The following TRPA1 variants were observed in gnomAD, a reference collection of about 807,000 sequenced individuals.
TRPA1 encodes the protein transient receptor potential cation channel subfamily A member 1.
A neutral mutation model predicts 131.3 loss-of-function variants in TRPA1; 129 were observed. The ratio of observed to expected loss-of-function variants is 0.98; its 90% CI spans 0.85 to 1.14. TRPA1 has a LOEUF of 1.14. TRPA1 is among the 50% of genes most tolerant of loss of function. The pLI is 0.00. For missense variants in TRPA1, 1,304 were observed against 1,354.2 expected (o/e 0.96, Z 0.58); for synonymous variants, 441 against 451.7 (o/e 0.98, Z 0.30).
At chr8:72,063,163 C>T (rs1282287189) in intron 5 of TRPA1, among the ~76,000 whole-genome samples, 1 of 151,858 alleles carries the variant, frequency 6.6e-6, no homozygotes, top group Non-Finnish European at 1.5e-5. Context: ...GGGAGGATCA[C>T]GAGGTCAGGA....
At position 72,057,006 on chromosome 8, in the gene TRPA1, C is replaced by A. The variant is rs769979174; in HGVS notation, c.1105G>T (p.Asp369Tyr). 52 of 1,604,304 alleles carry A rather than the reference C, an allele frequency of 3.2e-5. No homozygotes were observed. The highest frequency in any genetic ancestry group is 7.7e-6 in the Non-Finnish European group (9 of 1,174,210). Residue 369 changes from aspartate to tyrosine, a missense_variant, in exon 10 of 27, where the codon GAC becomes TAC. Physicochemically the swap from Asp to Tyr is radical, Grantham distance 160 (BLOSUM62 -3). Transcript: ENST00000262209. ...TTACGTCCAAAATTATCTTTTATGT[C>A]TACTTGGGCACCTAAAAAAAAACAC... ...NLLLSKGAQV[D>Y]IKDNFGRNFL...
At chr8:72,074,660 T>TC (rs1367218617) in intron 1 of TRPA1, among the ~76,000 whole-genome samples, 1 of 152,088 alleles carries the variant, frequency 6.6e-6, no homozygotes, top group African/African-American at 2.4e-5. Context: ...TGCCTTTAGG[T>TC]CCGATAACTG....
intron 8 of TRPA1, among the ~76,000 whole-genome samples, chr8:72,059,161 A>G (rs1805745460): frequency 6.6e-6 from 1 of 152,196 alleles, no homozygotes; most frequent in African/African-American, 2.4e-5. Context: ...AAACACTGAT[A>G]TGGATATCCA....
At chr8:72,036,191 G>A (rs767670375) in intron 21 of TRPA1, 97 bp downstream of exon 21, 2 of 1,280,700 alleles carry the variant, frequency 1.6e-6, no homozygotes, top group African/African-American at 3.0e-5. Flanking sequence ...AACTGGAAAA[G>A]GAATAAGCCA....
At chr8:72,089,574 T>G in the TRPA1 span, among the ~76,000 whole-genome samples, 1 of 152,140 alleles carries the variant, frequency 6.6e-6, no homozygotes, top group Non-Finnish European at 1.5e-5. Flanking sequence ...AAAGACATTC[T>G]TGTTTGACTG....
At chr8:72,063,698 T>TC in intron 4 of TRPA1, 127 bp from the exon 5 acceptor site, 1 of 666,502 alleles carries the variant, frequency 1.5e-6, no homozygotes, top group Non-Finnish European at 2.7e-6. Flanking sequence ...CATAGAGAGC[T>TC]TCATATGTTA....
chr8:72,045,498 T>G (rs977711931), intron 17 of TRPA1, among the ~76,000 whole-genome samples: 1 of 150,742 alleles, frequency 6.6e-6, no homozygotes, highest in East Asian at 1.9e-4. Flanking sequence ...GGAAAACAAA[T>G]TTTTAACTTT....
chr8:72,075,272 C>T, intron 1 of TRPA1, 27 bp downstream of exon 1: 1 of 1,589,006 alleles, frequency 6.3e-7, no homozygotes, highest in South Asian at 1.1e-5. Flanking sequence ...GTCGGAACCC[C>T]TCCAGACCCG....
upstream of TRPA1, among the ~76,000 whole-genome samples, chr8:72,078,847 G>T (rs574572472): frequency 6.6e-6 from 1 of 152,102 alleles, no homozygotes; most frequent in South Asian, 2.1e-4. Flanking sequence ...ACCTTCCAAA[G>T]TGGATGTACC....
the TRPA1 span, among the ~76,000 whole-genome samples, chr8:72,087,383 C>T: frequency 5.9e-5 from 9 of 152,062 alleles, no homozygotes; most frequent in East Asian, 3.9e-4. Context: ...TGAAGTATGC[C>T]GTTGGCAAAA....
chr8:72,026,588 T>C (rs1274452642), intron 24 of TRPA1, among the ~76,000 whole-genome samples: 5 of 152,204 alleles, frequency 3.3e-5, no homozygotes, highest in Non-Finnish European at 5.9e-5. Context: ...AGAACTCTCA[T>C]GCTTAAGAGT....
intron 24 of TRPA1, among the ~76,000 whole-genome samples, chr8:72,029,114 T>G (rs1288961494): frequency 6.6e-6 from 1 of 152,208 alleles, no homozygotes; most frequent in Non-Finnish European, 1.5e-5. Flanking sequence ...GCCAGGAAAC[T>G]TTGACACCAA....
Position 72,052,687 on chromosome 8 carries a change from C to T in TRPA1, c.1723G>A (p.Val575Ile), listed in dbSNP as rs763909998. 8.1e-6 allele frequency: 13 copies of T among 1,613,856 alleles called. No homozygotes were observed. The highest frequency in any genetic ancestry group is 1.1e-5 in the Non-Finnish European group (13 of 1,179,850). ...ALLLSHNADI[V>I]LNKQQASFLH... ...AAGGAGGCCTGCTGCTTGTTCAGGA[C>T]TATGTCAGCATTGTGGCTCAGAAGA... Residue 575 changes from valine to isoleucine, a missense_variant, in exon 14 of 27, where the codon GTC (valine) becomes ATC (isoleucine). Physicochemically the swap from Val to Ile is conservative, Grantham distance 29. Coordinates refer to ENST00000262209, the MANE Select transcript of TRPA1 (RefSeq NM_007332.3).
At chr8:72,032,559 T>A (rs1374336485) in intron 23 of TRPA1, among the ~76,000 whole-genome samples, 5 of 152,314 alleles carry the variant, frequency 3.3e-5, no homozygotes, top group Middle Eastern at 3.4e-3. Flanking sequence ...TTGATTTTCC[T>A]CCAGGATATC....
the TRPA1 span, among the ~76,000 whole-genome samples, chr8:72,080,669 G>C: frequency 6.6e-6 from 1 of 151,638 alleles, no homozygotes; most frequent in Non-Finnish European, 1.5e-5. Flanking sequence ...AGGTTTAATA[G>C]AATTCACCAG....
At position 72,023,832 on chromosome 8, in the gene TRPA1, A is replaced by G; in HGVS notation, c.3131T>C (p.Ile1044Thr). Residue 1044 changes from isoleucine to threonine, a missense_variant, in exon 26 of 27, where the codon ATA (isoleucine) becomes ACA (threonine). By Grantham distance (89) the Ile-to-Thr change is moderately conservative. Coordinates refer to ENST00000262209, the MANE Select transcript of TRPA1 (RefSeq NM_007332.3). Reference sequence around the variant, plus strand: ...TACATACCGGTATTTCTGCTTTAATATTTCCATTTCTAAAGATTTATCAGC... The same window carrying G: ...TACATACCGGTATTTCTGCTTTAATGTTTCCATTTCTAAAGATTTATCAGC... ...PNADKSLEME[I>T]LKQKYRLKDL... 6.3e-7 allele frequency: 1 copy of G among 1,583,966 alleles called. No homozygotes were observed. Among genetic ancestry groups the G allele is most frequent in the Non-Finnish European group, 8.7e-7 (1 of 1,153,024 alleles).
intron 7 of TRPA1, among the ~76,000 whole-genome samples, 177 bp downstream of exon 7, chr8:72,061,448 C>T (rs1805805376): frequency 6.6e-6 from 1 of 152,192 alleles, no homozygotes; most frequent in Admixed American, 6.6e-5. Context: ...ACATTCTACT[C>T]CCATTCCCAA....
In TRPA1 at chr8:72,051,271, T is replaced by C. The variant is rs866103084; in HGVS notation, c.1812-400A>G. ...CCATCAGTGTAGTACTGGTCCCATA[T>C]TTAATAACTAATACATGTGTACATC... On this transcript the variant is annotated intron_variant, in intron 14 of 26. Coordinates refer to ENST00000262209, the MANE Select transcript of TRPA1 (RefSeq NM_007332.3). 2.0e-5 allele frequency among the ~76,000 whole-genome samples: 3 copies of C among 152,326 alleles called. No individual in the cohort carries two copies. The South Asian group carries it at 6.2e-4, about 32-fold the overall frequency.
chr8:72,087,310 T>G, the TRPA1 span, among the ~76,000 whole-genome samples: 36 of 152,346 alleles, frequency 2.4e-4, no homozygotes, highest in African/African-American at 8.2e-4. Flanking sequence ...CAAATTGAAT[T>G]TGAGTAAACT....
Sources: gnomAD v4.1 joint callset for allele counts (sites outside exome capture counted in the v4.1 genomes callset) on GRCh38, gnomAD v4.1.1 for gene constraint, MANE v1.5 for transcripts, NCBI Gene and HGNC (gene_info 2026-07-23, HGNC 2026-07-21) for gene names.